The following RANBP2 variants were observed in gnomAD, a reference collection of about 807,000 sequenced individuals.
RANBP2 encodes E3 SUMO-protein ligase RanBP2.
A neutral mutation model predicts 303.6 loss-of-function variants in RANBP2; 57 were observed. The ratio of observed to expected loss-of-function variants is 0.19; its 90% confidence interval spans 0.15 to 0.23. The LOEUF (loss-of-function observed/expected upper bound fraction) is 0.23, where lower values mean the gene tolerates loss of function less well. RANBP2 is among the 10% of genes least tolerant of loss of function. The probability of loss-of-function intolerance (pLI) is 1.00; values close to 1 mark genes in which losing one functional copy is unlikely to be tolerated. For missense variants in RANBP2, 3,138 were observed against 3,780.8 expected, an observed-to-expected ratio of 0.83 and a Z score of 4.46; for synonymous variants, 1,167 against 1,301.5, an observed-to-expected ratio of 0.90 and a Z score of 2.23.
chr2:109,296,442 A>G, the RANBP2 span, among the ~76,000 whole-genome samples: 3 of 151,520 alleles, frequency 2.0e-5, no homozygotes, highest in East Asian at 1.9e-4. Flanking sequence ...GGGTTTTACC[A>G]TGTTGTTCAA....
At chr2:109,423,967 T>C in the RANBP2 span, among the ~76,000 whole-genome samples, 2 of 152,124 alleles carry the variant, frequency 1.3e-5, no homozygotes, top group Admixed American at 6.5e-5. Flanking sequence ...CTGGATGACA[T>C]AGACCCTGGC....
the RANBP2 span, chr2:108,816,177 A>C: frequency 9.1e-7 from 1 of 1,099,666 alleles, no homozygotes; most frequent in South Asian, 1.5e-5. Flanking sequence ...AGGGCCAGGC[A>C]CAGTGGCTCA....
At chr2:109,193,953 C>T in the RANBP2 span, among the ~76,000 whole-genome samples, 1 of 152,198 alleles carries the variant, frequency 6.6e-6, no homozygotes, top group African/African-American at 2.4e-5. Context: ...AGTTGGAATC[C>T]AGCTGCCATG....
At chr2:109,585,677 G>A in the RANBP2 span, 1 of 1,285,906 alleles carries the variant, frequency 7.8e-7, no homozygotes, top group Non-Finnish European at 1.1e-6. Flanking sequence ...GTGAGCACAA[G>A]GAATATGAAG....
chr2:109,481,249 G>C, the RANBP2 span, among the ~76,000 whole-genome samples: 6 of 152,348 alleles, frequency 3.9e-5, no homozygotes, highest in South Asian at 1.0e-3. Context: ...AGGTCTCTCT[G>C]TGCTCAAGCT....
the RANBP2 span, among the ~76,000 whole-genome samples, chr2:109,191,671 A>G: frequency 2.0e-5 from 3 of 152,166 alleles, no homozygotes; most frequent in South Asian, 2.1e-4. Flanking sequence ...CCATGGCAGT[A>G]TAGCTGGGTG....
At chr2:109,376,844 GGGC>G in the RANBP2 span, among the ~76,000 whole-genome samples, 6 of 152,230 alleles carry the variant, frequency 3.9e-5, no homozygotes, top group Non-Finnish European at 1.5e-5. Flanking sequence ...TGACAGTAAA[GGGC>G]GGGGAGGAAG....
the RANBP2 span, among the ~76,000 whole-genome samples, chr2:108,833,748 G>A: frequency 8.0e-6 from 1 of 124,246 alleles, no homozygotes; most frequent in Non-Finnish European, 1.6e-5. Context: ...TTTTTTTTGA[G>A]ACGGAGTCTT....
the RANBP2 span, among the ~76,000 whole-genome samples, chr2:109,301,583 G>A: frequency 3.4e-3 from 516 of 152,262 alleles, 2 homozygotes; most frequent in African/African-American, 0.012. Context: ...TAGTGTCTAC[G>A]CTACCACCGT....
At chr2:109,661,577 G>A in the RANBP2 span, among the ~76,000 whole-genome samples, 2 of 152,132 alleles carry the variant, frequency 1.3e-5, no homozygotes, top group African/African-American at 2.4e-5. Context: ...AGGAATGGGA[G>A]TGTCACAAAC....
At chr2:109,614,646 C>G in the RANBP2 span, 3 of 1,471,140 alleles carry the variant, frequency 2.0e-6, no homozygotes, top group Non-Finnish European at 2.7e-6. Context: ...CGCCCGCGCC[C>G]GCGCGCACTT....
At chr2:109,157,761 G>A in the RANBP2 span, among the ~76,000 whole-genome samples, 1 of 152,156 alleles carries the variant, frequency 6.6e-6, no homozygotes, top group Non-Finnish European at 1.5e-5. Context: ...GTCATCAACA[G>A]GGACTTTGCC....
chr2:108,761,159 C>T (rs1676706326), intron 18 of RANBP2, among the ~76,000 whole-genome samples: 1 of 149,002 alleles, frequency 6.7e-6, no homozygotes, highest in South Asian at 2.2e-4. Context: ...TGCAGACAGA[C>T]ATCTTGCAAG....
intron 1 of RANBP2, among the ~76,000 whole-genome samples, chr2:108,721,860 G>A (rs538578039): frequency 1.9e-4 from 29 of 152,032 alleles, no homozygotes; most frequent in Non-Finnish European, 4.0e-4. Context: ...TCCCACCTTA[G>A]CCTCCTGGGT....
chr2:109,608,430 C>T, the RANBP2 span, among the ~76,000 whole-genome samples: 1 of 152,184 alleles, frequency 6.6e-6, no homozygotes, highest in Non-Finnish European at 1.5e-5. Context: ...GCAGGATAAA[C>T]TTGATCTGAT....
At chr2:109,704,066 C>A in the RANBP2 span, among the ~76,000 whole-genome samples, 1 of 152,114 alleles carries the variant, frequency 6.6e-6, no homozygotes, top group South Asian at 2.1e-4. Context: ...CCTCTCTGCC[C>A]AGAGTTTTAT....
chr2:109,659,703 C>T, the RANBP2 span, among the ~76,000 whole-genome samples: 1 of 152,318 alleles, frequency 6.6e-6, no homozygotes, highest in South Asian at 2.1e-4. Flanking sequence ...CAGCGGGGGG[C>T]TCCAGATGAG....
At chr2:109,701,295 C>T in the RANBP2 span, among the ~76,000 whole-genome samples, 1 of 152,210 alleles carries the variant, frequency 6.6e-6, no homozygotes, top group Non-Finnish European at 1.5e-5. Flanking sequence ...TAAGACAGGT[C>T]TCAGTCAATT....
chr2:109,144,210 C>G, the RANBP2 span, among the ~76,000 whole-genome samples: 2 of 152,128 alleles, frequency 1.3e-5, no homozygotes, highest in African/African-American at 2.4e-5. Flanking sequence ...CATGACACCA[C>G]GAAGGTAACC....
Sources: gnomAD v4.1 joint callset for allele counts (sites outside exome capture counted in the v4.1 genomes callset) on GRCh38, gnomAD v4.1.1 for gene constraint, MANE v1.5 for transcripts, NCBI Gene and HGNC (gene_info 2026-07-23, HGNC 2026-07-21) for gene names.